The following ZNF480 variants were observed in gnomAD, a reference collection of about 807,000 sequenced individuals.
ZNF480 encodes zinc finger protein 480.
Under a neutral mutation model 14.4 loss-of-function variants are expected in ZNF480, and 15 were observed. The ratio of observed to expected loss-of-function variants is 1.04; its 90% CI spans 0.70 to 1.60. The LOEUF (loss-of-function observed/expected upper bound fraction) is 1.60, where lower values mean the gene tolerates loss of function less well. Among genes scored for constraint, ZNF480 ranks in the 40% most tolerant of loss-of-function variants. The pLI is 0.00. For synonymous variants in ZNF480, 218 were observed against 215.5 expected (o/e 1.01, Z -0.10); for missense variants, 593 against 629.7 (o/e 0.94, Z 0.62).
intron 1 of ZNF480, among the ~76,000 whole-genome samples, chr19:52,298,960 G>C (rs1331861089): frequency 6.6e-6 from 1 of 152,190 alleles, no homozygotes; most frequent in African/African-American, 2.4e-5. Flanking sequence ...TTATGATTAA[G>C]TTGTGACATT....
chr19:52,304,153 T>C (rs1294251391), intron 2 of ZNF480, among the ~76,000 whole-genome samples: 1 of 152,238 alleles, frequency 6.6e-6, no homozygotes, highest in Non-Finnish European at 1.5e-5. Context: ...GGCAACACTT[T>C]CCAATGAAAA....
intron 2 of ZNF480, chr19:52,301,369 TC>T (rs1183684535): frequency 6.6e-6 from 1 of 152,236 alleles, no homozygotes; most frequent in Non-Finnish European, 1.5e-5. Flanking sequence ...GAATACTTGT[TC>T]CTTCAGTTTT....
intron 2 of ZNF480, among the ~76,000 whole-genome samples, chr19:52,309,092 T>G (rs531062921): frequency 4.6e-5 from 7 of 152,254 alleles, no homozygotes; most frequent in Admixed American, 1.3e-4. Flanking sequence ...CATTGTGGTG[T>G]TTTAAGTAAA....
At chr19:52,311,199 G>A (rs1326782575) in intron 2 of ZNF480, among the ~76,000 whole-genome samples, 1 of 151,770 alleles carries the variant, frequency 6.6e-6, no homozygotes, top group African/African-American at 2.4e-5. Context: ...TTATATTTAT[G>A]TAAGTCAGGG....
intron 2 of ZNF480, among the ~76,000 whole-genome samples, chr19:52,302,731 C>G (rs1982754526): frequency 6.6e-6 from 1 of 152,214 alleles, no homozygotes; most frequent in African/African-American, 2.4e-5. Flanking sequence ...GGATTAACTC[C>G]TCCTGTAAAA....
rs1033447053 is a variant in ZNF480, at chr19:52,315,944, A to C, written c.310A>C (p.Ile104Leu). ...IAKNSDGREC[I>L]KGVNTGSSYA... ...AAAAAATTCAGATGGGAGGGAGTGC[A>C]TCAAAGGTGTGAACACAGGTAAGAG... The change falls in exon 4 of 5, where the codon ATC becomes CTC. Residue 104 changes from isoleucine to leucine, a missense_variant. Coordinates refer to ENST00000595962, the MANE Select transcript of ZNF480 (RefSeq NM_144684.4). 2 of 1,611,182 alleles carry C rather than the reference A, an allele frequency of 1.2e-6. No individual in the cohort carries two copies. The highest frequency in any genetic ancestry group is 1.7e-6 in the Non-Finnish European group (2 of 1,178,024).
chr19:52,315,323 GT>G (rs554332821), intron 3 of ZNF480, among the ~76,000 whole-genome samples: 45 of 140,824 alleles, frequency 3.2e-4, no homozygotes, highest in African/African-American at 2.6e-4. Flanking sequence ...TTTATGTTTT[GT>G]TTTTTTTTTT....
chr19:52,315,546 C>T (rs550282504), intron 3 of ZNF480, among the ~76,000 whole-genome samples: 22 of 151,780 alleles, frequency 1.4e-4, no homozygotes, highest in Non-Finnish European at 2.8e-4. Context: ...ATCTCGAACT[C>T]CCGACCTCAG....
At chr19:52,308,947 G>T (rs759960587) in intron 2 of ZNF480, among the ~76,000 whole-genome samples, 8 of 152,092 alleles carry the variant, frequency 5.3e-5, no homozygotes, top group Non-Finnish European at 8.8e-5. Context: ...AACATTCCCT[G>T]TCCTAAATGT....
intron 2 of ZNF480, among the ~76,000 whole-genome samples, chr19:52,307,782 G>A (rs560714256): frequency 7.9e-5 from 12 of 152,170 alleles, no homozygotes; most frequent in African/African-American, 2.2e-4. Context: ...CAGCAAAAAC[G>A]TGTTGTTAAG....
At chr19:52,319,452 CTT>C (rs955562447) in intron 4 of ZNF480, among the ~76,000 whole-genome samples, 43 of 152,276 alleles carry the variant, frequency 2.8e-4, no homozygotes, top group African/African-American at 1.0e-3. Context: ...AGTACATAGT[CTT>C]ATACCTTTTC....
chr19:52,305,933 T>C (rs1270351085), intron 2 of ZNF480, among the ~76,000 whole-genome samples: 2 of 152,038 alleles, frequency 1.3e-5, no homozygotes, highest in East Asian at 1.9e-4. Flanking sequence ...AGCAGATTTC[T>C]TTTTTCCCCC....
chr19:52,299,410 G>C (rs1286349403), intron 1 of ZNF480, among the ~76,000 whole-genome samples: 1 of 152,092 alleles, frequency 6.6e-6, no homozygotes, highest in Non-Finnish European at 1.5e-5. Flanking sequence ...CACAGGTTGG[G>C]GGCTCAGTTC....
chr19:52,321,440 A>G (rs1477867640), intron 4 of ZNF480, 139 bp from the exon 5 acceptor site: 2 of 713,444 alleles, frequency 2.8e-6, no homozygotes, highest in Non-Finnish European at 4.4e-6. Context: ...TATTTTCAGC[A>G]CAACCAGCGT....
intron 2 of ZNF480, among the ~76,000 whole-genome samples, chr19:52,306,654 C>T (rs1361923621): frequency 6.6e-6 from 1 of 152,112 alleles, no homozygotes; most frequent in Non-Finnish European, 1.5e-5. Context: ...AGAACCTGGT[C>T]CATATTGATT....
intron 4 of ZNF480, among the ~76,000 whole-genome samples, chr19:52,319,932 C>T (rs1312553496): frequency 1.3e-5 from 2 of 151,750 alleles, no homozygotes; most frequent in Non-Finnish European, 2.9e-5. Flanking sequence ...ATTCTCCTGC[C>T]ACAGCCTCCT....
At chr19:52,316,796 A>T (rs1305017285) in intron 4 of ZNF480, among the ~76,000 whole-genome samples, 1 of 152,128 alleles carries the variant, frequency 6.6e-6, no homozygotes, top group East Asian at 1.9e-4. Flanking sequence ...GGAATCACAC[A>T]GTATTTGTCT....
intron 2 of ZNF480, among the ~76,000 whole-genome samples, chr19:52,302,877 A>G (rs1462290885): frequency 1.3e-5 from 2 of 152,216 alleles, no homozygotes; most frequent in African/African-American, 4.8e-5. Context: ...GGCATTAGAT[A>G]TTGCAGTAGC....
At position 52,322,203 on chromosome 19, in the gene ZNF480, A is replaced by T. The variant is rs1983861451; in HGVS notation, c.953A>T (p.Asn318Ile). ...IHAEEKPYKC[N>I]ECGKGFSHKS... ...GCTGAAGAGAAACCTTACAAATGTA[A>T]TGAATGTGGTAAAGGCTTCAGTCAT... Residue 318 changes from asparagine (N) to isoleucine (I), a missense_variant, in exon 5 of 5, where the codon AAT becomes ATT. Physicochemically the swap from Asn to Ile is moderately radical, Grantham distance 149. Coordinates refer to ENST00000595962, the MANE Select transcript of ZNF480 (RefSeq NM_144684.4). 3 of 1,613,976 alleles carry T rather than the reference A, an allele frequency of 1.9e-6. No homozygotes were observed. Among genetic ancestry groups the T allele is most frequent in the Non-Finnish European group, 2.5e-6 (3 of 1,180,032 alleles).
Sources: allele counts gnomAD v4.1 joint callset (sites outside exome capture counted in the v4.1 genomes callset), GRCh38; gene constraint gnomAD v4.1.1; transcripts MANE v1.5; gene names NCBI Gene and HGNC (gene_info 2026-07-23, HGNC 2026-07-21).